The following TNIK variants were observed in gnomAD, a reference collection of about 807,000 sequenced individuals.
The protein encoded by TNIK is TRAF2 and NCK-interacting protein kinase.
Under a neutral mutation model 191.3 loss-of-function variants are expected in TNIK, and 49 were observed. The observed-to-expected ratio is 0.26, with a 90% CI of 0.20 to 0.32. TNIK has a LOEUF of 0.32. Among genes scored for constraint, TNIK ranks in the 10% least tolerant of loss-of-function variants. The pLI, the probability that TNIK is intolerant of heterozygous loss-of-function variation, is 1.00. For synonymous variants in TNIK, 594 were observed against 600.9 expected, an observed-to-expected ratio of 0.99 and a Z score of 0.17; for missense variants, 1,155 against 1,702.3, an observed-to-expected ratio of 0.68 and a Z score of 5.66.
intron 10 of TNIK, among the ~76,000 whole-genome samples, chr3:171,166,791 A>G (rs1036045357): frequency 6.6e-6 from 1 of 152,228 alleles, no homozygotes; most frequent in Non-Finnish European, 1.5e-5. Flanking sequence ...CTAAACATGA[A>G]TATTAATTTG....
chr3:171,332,847 C>T (rs974134607), intron 2 of TNIK, among the ~76,000 whole-genome samples: 26 of 152,166 alleles, frequency 1.7e-4, no homozygotes, highest in African/African-American at 6.0e-4. Context: ...CACAAAGATG[C>T]TTGGGTATTA....
chr3:171,295,428 C>T (rs1752180967), intron 2 of TNIK, among the ~76,000 whole-genome samples: 1 of 152,138 alleles, frequency 6.6e-6, no homozygotes, highest in South Asian at 2.1e-4. Context: ...CCAAAGTGTT[C>T]TATCCATTTC....
chr3:171,178,663 G>A (rs1736265392), intron 7 of TNIK, among the ~76,000 whole-genome samples: 1 of 152,112 alleles, frequency 6.6e-6, no homozygotes, highest in Admixed American at 6.5e-5. Flanking sequence ...CCAAGAAGAG[G>A]CTTGCTGCCT....
intron 1 of TNIK, among the ~76,000 whole-genome samples, chr3:171,443,997 G>GT (rs1727167585): frequency 6.6e-6 from 1 of 152,078 alleles, no homozygotes; most frequent in African/African-American, 2.4e-5. Flanking sequence ...CTAACCATCG[G>GT]TTTTTCCTTC....
chr3:171,210,852 A>G (rs10755127), intron 4 of TNIK, among the ~76,000 whole-genome samples: 516 of 10,410 alleles, frequency 0.05, 3 homozygotes, highest in East Asian at 0.29. Flanking sequence ...TCAATTAGTG[A>G]AAAAAAAAAA....
At chr3:171,278,704 A>AAATT (rs1750075302) in intron 2 of TNIK, among the ~76,000 whole-genome samples, 2 of 152,128 alleles carry the variant, frequency 1.3e-5, no homozygotes, top group African/African-American at 4.8e-5. Flanking sequence ...GACTTTGCCT[A>AAATT]AATTATGTAT....
At chr3:171,358,778 G>T (rs1714534993) in intron 2 of TNIK, among the ~76,000 whole-genome samples, 1 of 152,178 alleles carries the variant, frequency 6.6e-6, no homozygotes, top group Non-Finnish European at 1.5e-5. Context: ...TGGGCTGTTG[G>T]TGAGGTACCT....
At chr3:171,140,193 C>T (rs974190519) in intron 13 of TNIK, among the ~76,000 whole-genome samples, 2 of 152,186 alleles carry the variant, frequency 1.3e-5, no homozygotes, top group Non-Finnish European at 2.9e-5. Flanking sequence ...TCAGGGAACT[C>T]TGTCTGGGTA....
intron 2 of TNIK, among the ~76,000 whole-genome samples, chr3:171,339,116 T>A (rs951240574): frequency 1.8e-4 from 27 of 152,326 alleles, no homozygotes; most frequent in Admixed American, 1.8e-3. Context: ...ACATTTCTGT[T>A]TTCTCCATTT....
At chr3:171,111,868 C>T (rs558653514) in intron 18 of TNIK, among the ~76,000 whole-genome samples, 3 of 152,198 alleles carry the variant, frequency 2.0e-5, no homozygotes, top group African/African-American at 7.2e-5. Flanking sequence ...CTACAAATAC[C>T]GAACTCATAG....
intron 29 of TNIK, among the ~76,000 whole-genome samples, chr3:171,070,238 T>C (rs1719010240): frequency 6.6e-6 from 1 of 152,182 alleles, no homozygotes; most frequent in African/African-American, 2.4e-5. Context: ...GAATCTATTT[T>C]CTTGAGCACA....
In TNIK at chr3:171,091,180, A is replaced by C. The variant is rs535674260; in HGVS notation, c.2721+2659T>G. 9.2e-5 allele frequency among the ~76,000 whole-genome samples: 14 copies of C among 152,306 alleles called. No individual in the cohort carries two copies. In the South Asian group the frequency reaches 2.9e-3, roughly 32 times the overall value. On this transcript the variant is annotated intron_variant, in intron 23 of 32. Coordinates refer to ENST00000436636, the MANE Select transcript of TNIK (RefSeq NM_015028.4). ...TGTTTCTGGAAGCAATTAGCATTTA[A>C]TTGGTAGACTCAGTAAAGTAGATTG...
intron 1 of TNIK, among the ~76,000 whole-genome samples, chr3:171,435,979 G>A (rs1222257497): frequency 1.3e-5 from 2 of 152,086 alleles, no homozygotes; most frequent in Non-Finnish European, 2.9e-5. Flanking sequence ...AAGCATGGAA[G>A]GAACACAAAG....
intron 15 of TNIK, among the ~76,000 whole-genome samples, chr3:171,134,847 A>T (rs1247654635): frequency 1.3e-5 from 2 of 152,246 alleles, no homozygotes; most frequent in Non-Finnish European, 2.9e-5. Context: ...TACATTGCTG[A>T]TAAAGGACTA....
intron 2 of TNIK, among the ~76,000 whole-genome samples, chr3:171,349,435 A>G (rs1396793672): frequency 2.0e-5 from 3 of 152,164 alleles, no homozygotes; most frequent in Non-Finnish European, 2.9e-5. Flanking sequence ...AGAATAAGAC[A>G]TTCACAGAAA....
chr3:171,438,451 C>A (rs1461670021), intron 1 of TNIK, among the ~76,000 whole-genome samples: 1 of 152,204 alleles, frequency 6.6e-6, no homozygotes, highest in Non-Finnish European at 1.5e-5. Flanking sequence ...GATGCAGGAT[C>A]CAAACACGAT....
intron 8 of TNIK, among the ~76,000 whole-genome samples, chr3:171,176,908 T>C (rs2108786107): frequency 6.6e-6 from 1 of 152,320 alleles, no homozygotes; most frequent in South Asian, 2.1e-4. Context: ...ACATCAGTAT[T>C]TTAAGAGGAG....
intron 9 of TNIK, among the ~76,000 whole-genome samples, chr3:171,170,924 C>G (rs1455812561): frequency 6.6e-6 from 1 of 152,092 alleles, no homozygotes; most frequent in African/African-American, 2.4e-5. Flanking sequence ...TGGTGGCATG[C>G]ACCTGTAGTT....
At chr3:171,338,324 A>C (rs1757176670) in intron 2 of TNIK, among the ~76,000 whole-genome samples, 1 of 152,110 alleles carries the variant, frequency 6.6e-6, no homozygotes, top group African/African-American at 2.4e-5. Flanking sequence ...TATGAAAGTA[A>C]TTTTTCCCAG....
Sources: allele counts gnomAD v4.1 joint callset (sites outside exome capture counted in the v4.1 genomes callset), GRCh38; gene constraint gnomAD v4.1.1; transcripts MANE v1.5; gene names NCBI Gene and HGNC (gene_info 2026-07-23, HGNC 2026-07-21).